Variants in PCNP observed in about 807,000 individuals in gnomAD.
PCNP encodes the protein PEST proteolytic signal containing nuclear protein, also known as PEST proteolytic signal-containing nuclear protein.
Under a neutral mutation model 21.8 loss-of-function variants are expected in PCNP, and 6 were observed. The ratio of observed to expected loss-of-function variants is 0.28; its 90% CI spans 0.15 to 0.54. PCNP has a LOEUF of 0.54. PCNP is among the 20% of genes least tolerant of loss of function. The pLI, the probability that PCNP is intolerant of heterozygous loss-of-function variation, is 0.95. For synonymous variants in PCNP, 67 were observed against 73.2 expected (o/e 0.92, Z 0.43); for missense variants, 161 against 215.5 (o/e 0.75, Z 1.58).
chr3:101,579,715 T>A, intron 1 of PCNP, 75 bp from the exon 2 acceptor site: 1 of 990,908 alleles, frequency 1.0e-6, no homozygotes, highest in South Asian at 1.3e-5. Flanking sequence ...ATAACGATGC[T>A]TTTTGAGGTT....
At chr3:101,576,611 G>C in intron 1 of PCNP, 1 of 1,611,250 alleles carries the variant, frequency 6.2e-7, no homozygotes, top group Non-Finnish European at 8.5e-7. Context: ...TTCTTCAGTC[G>C]CTCCAGGTCT....
At chr3:101,576,963 G>A (rs895361894) in intron 1 of PCNP, 47 of 1,265,272 alleles carry the variant, frequency 3.7e-5, no homozygotes, top group Non-Finnish European at 5.1e-5. Context: ...CAGCACAAGC[G>A]GCGGCGTGTA....
chr3:101,588,043 C>T (rs894638953), intron 3 of PCNP, among the ~76,000 whole-genome samples: 4 of 152,070 alleles, frequency 2.6e-5, no homozygotes, highest in Admixed American at 6.6e-5. Context: ...GAGGCCGAGG[C>T]GGGTGGATCA....
In PCNP at chr3:101,587,208, C is replaced by T. The variant is rs571850610; in HGVS notation, c.354+1697C>T. On this transcript the variant is annotated intron_variant, in intron 3 of 4. Coordinates refer to ENST00000265260, the MANE Select transcript of PCNP (RefSeq NM_020357.3). ...GAGGTTACAGTGAGCCAAGATCGTG[C>T]CATTGCACTCCAGCCTGGGCAACAA... Among the ~76,000 whole-genome samples, 369 of 151,476 alleles carry T rather than the reference C, an allele frequency of 2.4e-3. 2 individuals carry two copies. Among genetic ancestry groups the T allele is most frequent in the Middle Eastern group, 6.8e-3 (2 of 294 alleles).
chr3:101,585,508 AG>A lies in PCNP; in HGVS notation c.352del (p.Asp118IlefsTer13). ...TAGCAGCAGCTTTTAATGAAGATGA[AG>A]ATGTAAGTTGATATCGAGTTTTGTT... is the stretch of plus-strand genomic sequence containing the variant. The part of the protein sequence containing the change: ...SVAAAFNEDE[D>X]SEPEEMPPEA... On this transcript the variant is annotated frameshift_variant and splice_region_variant, in exon 3 of 5. Coordinates refer to ENST00000265260, the MANE Select transcript of PCNP (RefSeq NM_020357.3). LOFTEE classifies it high-confidence loss of function. 6.3e-7 allele frequency: 1 copy of A among 1,599,992 alleles called. No homozygotes were observed. Among genetic ancestry groups the A allele is most frequent in the Non-Finnish European group, 8.5e-7 (1 of 1,170,810 alleles).
intron 4 of PCNP, among the ~76,000 whole-genome samples, chr3:101,591,255 T>C (rs1168330715): frequency 1.3e-5 from 2 of 152,270 alleles, no homozygotes; most frequent in Admixed American, 6.5e-5. Flanking sequence ...CCTGTCTTTG[T>C]GTGCATTAAT....
chr3:101,581,092 T>G (rs1270858481), intron 2 of PCNP, among the ~76,000 whole-genome samples: 1 of 152,206 alleles, frequency 6.6e-6, no homozygotes, highest in Non-Finnish European at 1.5e-5. Context: ...TGTTATTACT[T>G]AGAATCCCCA....
At chr3:101,584,854 A>G (rs1935416222) in intron 2 of PCNP, among the ~76,000 whole-genome samples, 1 of 152,178 alleles carries the variant, frequency 6.6e-6, no homozygotes, top group South Asian at 2.1e-4. Flanking sequence ...TACAAAATAA[A>G]TTCTCTGGGC....
At chr3:101,576,769 G>A in intron 1 of PCNP, 1 of 1,611,624 alleles carries the variant, frequency 6.2e-7, no homozygotes, top group Non-Finnish European at 8.5e-7. Flanking sequence ...CTCATCATCA[G>A]TGAGTTCTCC....
intron 2 of PCNP, among the ~76,000 whole-genome samples, chr3:101,582,509 TAAA>T (rs531746038): frequency 2.0e-5 from 3 of 151,658 alleles, no homozygotes; most frequent in South Asian, 2.1e-4. Context: ...TGTAGGATAT[TAAA>T]AAAAAATTGA....
chr3:101,579,163 A>G (rs1935095982), intron 1 of PCNP, among the ~76,000 whole-genome samples: 1 of 152,110 alleles, frequency 6.6e-6, no homozygotes, highest in Non-Finnish European at 1.5e-5. Flanking sequence ...TGGGTAGCTT[A>G]AAACAGGTAA....
chr3:101,588,266 A>G (rs1266167437), intron 3 of PCNP, among the ~76,000 whole-genome samples: 2 of 152,130 alleles, frequency 1.3e-5, no homozygotes, highest in Non-Finnish European at 2.9e-5. Flanking sequence ...GCAAGACTCC[A>G]TCTCCAAAAA....
chr3:101,591,769 T>G (rs1408002182), intron 4 of PCNP, among the ~76,000 whole-genome samples: 12 of 2,696 alleles, frequency 4.5e-3, no homozygotes, highest in South Asian at 0.014. Context: ...TTTTGGTGTT[T>G]TTTTTTTTTT....
rs1054815556 is a variant in PCNP, at chr3:101,594,304, T to A, written c.*1551T>A. On this transcript the variant is annotated 3_prime_UTR_variant, in exon 5 of 5. Coordinates refer to ENST00000265260, the MANE Select transcript of PCNP (RefSeq NM_020357.3). ...TCAATTTTTTGTCCATTTTCCTGTTTGTTAAAATAACATACCTCTCCTACG... is the reference window on the plus strand; with the variant it reads ...TCAATTTTTTGTCCATTTTCCTGTTAGTTAAAATAACATACCTCTCCTACG... The A allele has an allele frequency of 4.6e-5, 7 of 152,650 alleles. No individual in the cohort carries two copies. Among genetic ancestry groups the A allele is most frequent in the African/African-American group, 1.7e-4 (7 of 41,468 alleles). 9.5% of individuals were successfully genotyped at this position (152,650 alleles called of 1,614,324 possible). A position where few individuals can be genotyped will look rare whatever the true frequency, so the allele number is the denominator to read the frequency against.
chr3:101,583,167 G>C (rs566425695), intron 2 of PCNP, among the ~76,000 whole-genome samples: 10 of 152,050 alleles, frequency 6.6e-5, no homozygotes, highest in African/African-American at 9.6e-5. Flanking sequence ...TCTACAAAAA[G>C]TAAACAAGGC....
chr3:101,587,318 G>A (rs1194975915), intron 3 of PCNP, among the ~76,000 whole-genome samples: 4 of 151,590 alleles, frequency 2.6e-5, no homozygotes, highest in African/African-American at 9.7e-5. Context: ...TAAATACTGA[G>A]TAGCTGCATT....
chr3:101,574,349 G>A, intron 1 of PCNP, 70 bp downstream of exon 1: 1 of 1,478,380 alleles, frequency 6.8e-7, no homozygotes, highest in Non-Finnish European at 9.1e-7. Context: ...CCAGGGTGGG[G>A]GGAGTGGGGT....
chr3:101,582,259 C>G (rs1935263451), intron 2 of PCNP, among the ~76,000 whole-genome samples: 1 of 152,052 alleles, frequency 6.6e-6, no homozygotes, highest in African/African-American at 2.4e-5. Flanking sequence ...TCGAGACCAT[C>G]CTGGCCAACA....
In PCNP at chr3:101,574,296, C is replaced by G; in HGVS notation, c.64+17C>G. The G allele has an allele frequency of 1.3e-6, 2 of 1,489,214 alleles. No individual in the cohort carries two copies. The highest frequency in any genetic ancestry group is 1.8e-6 in the Non-Finnish European group (2 of 1,108,098). The allele number at this position is 1,489,214 out of a possible 1,614,324, so 92.3% of individuals were successfully genotyped here. On this transcript the variant is annotated intron_variant, in intron 1 of 4. Transcript: ENST00000265260. ...CCGCCGGAGGTGAACACAACCCCAG[C>G]GTCGTGGGCAGCGTGGGATGCTCCG... is the stretch of plus-strand genomic sequence containing the variant.
Sources: gnomAD v4.1 joint callset for allele counts (sites outside exome capture counted in the v4.1 genomes callset) on GRCh38, gnomAD v4.1.1 for gene constraint, MANE v1.5 for transcripts, NCBI Gene and HGNC (gene_info 2026-07-23, HGNC 2026-07-21) for gene names.